ASTN2: variants seen among roughly 807,000 people sequenced by gnomAD.
The protein encoded by ASTN2 is astrotactin-2.
In ASTN2, 54 loss-of-function variants were observed where a neutral mutation model predicts 139.8. The ratio of observed to expected loss-of-function variants is 0.39; its 90% confidence interval spans 0.31 to 0.48. The LOEUF (loss-of-function observed/expected upper bound fraction) is 0.48. ASTN2 is among the 20% of genes least tolerant of loss of function. The pLI, the probability that ASTN2 is intolerant of heterozygous loss-of-function variation, is 0.95. For missense variants in ASTN2, 1,565 were observed against 1,725.1 expected, an observed-to-expected ratio of 0.91 and a Z score of 1.64; for synonymous variants, 756 against 719.5, an observed-to-expected ratio of 1.05 and a Z score of -0.81.
intron 2 of ASTN2, among the ~76,000 whole-genome samples, chr9:117,257,925 G>A (rs1388089486): frequency 2.0e-5 from 3 of 152,212 alleles, no homozygotes; most frequent in African/African-American, 7.2e-5. Context: ...GATACTGTTG[G>A]ACTACATCTG....
intron 13 of ASTN2, among the ~76,000 whole-genome samples, chr9:116,747,412 T>G (rs1829271914): frequency 1.3e-5 from 2 of 152,334 alleles, no homozygotes; most frequent in South Asian, 2.1e-4. Flanking sequence ...GCTGGTTGAA[T>G]GTCTTAGATG....
intron 3 of ASTN2, among the ~76,000 whole-genome samples, chr9:117,182,324 C>G (rs145520307): frequency 2.6e-5 from 1 of 39,184 alleles, no homozygotes; most frequent in South Asian, 9.7e-4. Flanking sequence ...GACACAGACA[C>G]AGACACACAC....
chr9:116,655,298 T>C (rs1247579242), intron 16 of ASTN2, among the ~76,000 whole-genome samples: 1 of 152,248 alleles, frequency 6.6e-6, no homozygotes, highest in African/African-American at 2.4e-5. Flanking sequence ...TGATTCAACC[T>C]TACCCTGTGG....
At chr9:116,446,278 G>GAGAT (rs1847993220) in intron 20 of ASTN2, among the ~76,000 whole-genome samples, 1 of 126,542 alleles carries the variant, frequency 7.9e-6, no homozygotes, top group African/African-American at 3.5e-5. Flanking sequence ...GAGATAGAGA[G>GAGAT]AGAGAGAGAG....
intron 3 of ASTN2, among the ~76,000 whole-genome samples, chr9:117,163,581 T>C (rs1830601686): frequency 6.6e-6 from 1 of 152,112 alleles, no homozygotes; most frequent in Non-Finnish European, 1.5e-5. Context: ...CCAGGGCTTT[T>C]AAATAAATCA....
intron 13 of ASTN2, among the ~76,000 whole-genome samples, chr9:116,737,823 A>G (rs1828979809): frequency 6.6e-6 from 1 of 152,192 alleles, no homozygotes; most frequent in Non-Finnish European, 1.5e-5. Context: ...ACTAAGCTAT[A>G]AGGATACAAA....
At chr9:116,649,703 C>T (rs189387650) in intron 17 of ASTN2, among the ~76,000 whole-genome samples, 1 of 151,980 alleles carries the variant, frequency 6.6e-6, no homozygotes, top group Non-Finnish European at 1.5e-5. Flanking sequence ...AATATATATC[C>T]TGTGCTTTAT....
intron 1 of ASTN2, among the ~76,000 whole-genome samples, chr9:117,307,090 C>G (rs1349351342): frequency 6.6e-6 from 1 of 152,158 alleles, no homozygotes; most frequent in East Asian, 1.9e-4. Context: ...TTTATACAAC[C>G]TAAAAACCCC....
chr9:117,353,320 A>G (rs1051923405), intron 1 of ASTN2, among the ~76,000 whole-genome samples: 8 of 152,154 alleles, frequency 5.3e-5, no homozygotes, highest in African/African-American at 1.9e-4. Flanking sequence ...GTGCTGTCCA[A>G]TAGAACTTTC....
chr9:116,958,043 A>C (rs1319701813), intron 10 of ASTN2, among the ~76,000 whole-genome samples: 1 of 152,210 alleles, frequency 6.6e-6, no homozygotes, highest in African/African-American at 2.4e-5. Flanking sequence ...TTCTCAGTGC[A>C]TATCAGGAAG....
chr9:116,858,098 A>G (rs575243044), intron 11 of ASTN2, among the ~76,000 whole-genome samples: 1 of 152,276 alleles, frequency 6.6e-6, no homozygotes, highest in East Asian at 1.9e-4. Context: ...TGCCAGTCCT[A>G]GCCCCAGACA....
intron 13 of ASTN2, among the ~76,000 whole-genome samples, chr9:116,753,482 A>G (rs1205221560): frequency 6.6e-6 from 1 of 152,230 alleles, no homozygotes; most frequent in Non-Finnish European, 1.5e-5. Context: ...AGAACTATAC[A>G]ACACCAAAAG....
At chr9:116,551,733 T>C (rs1256771909) in intron 19 of ASTN2, among the ~76,000 whole-genome samples, 3 of 152,096 alleles carry the variant, frequency 2.0e-5, no homozygotes, top group Admixed American at 1.3e-4. Context: ...AGTACCTCCA[T>C]CCTCACTGCC....
At chr9:117,305,070 T>G (rs1164613414) in intron 1 of ASTN2, among the ~76,000 whole-genome samples, 1 of 152,202 alleles carries the variant, frequency 6.6e-6, no homozygotes, top group East Asian at 1.9e-4. Flanking sequence ...CACCTTTTAA[T>G]TCAGTGCAAG....
chr9:116,542,070 C>CAA (rs1164683134), intron 19 of ASTN2, among the ~76,000 whole-genome samples: 23 of 152,292 alleles, frequency 1.5e-4, no homozygotes, highest in Admixed American at 6.5e-4. Flanking sequence ...TTTCCTCTTG[C>CAA]TCCTGCTCCA....
intron 5 of ASTN2, among the ~76,000 whole-genome samples, chr9:117,092,416 A>G (rs1166547229): frequency 6.6e-6 from 1 of 152,184 alleles, no homozygotes; most frequent in East Asian, 1.9e-4. Flanking sequence ...GGACTTGGCC[A>G]AGGTCACACA....
At chr9:117,310,175 G>A (rs754870816) in intron 1 of ASTN2, among the ~76,000 whole-genome samples, 5 of 152,018 alleles carry the variant, frequency 3.3e-5, no homozygotes, top group East Asian at 1.9e-4. Flanking sequence ...TTGAGAGGGC[G>A]GCATCACTTT....
intron 3 of ASTN2, among the ~76,000 whole-genome samples, chr9:117,206,104 A>T (rs1344293893): frequency 1.3e-5 from 2 of 152,174 alleles, no homozygotes; most frequent in Admixed American, 6.5e-5. Flanking sequence ...TCCAACAAGA[A>T]AGGACCAAAG....
At chr9:116,478,916 C>T (rs934055947) in intron 20 of ASTN2, among the ~76,000 whole-genome samples, 28 of 146,878 alleles carry the variant, frequency 1.9e-4, no homozygotes, top group Non-Finnish European at 3.4e-4. Flanking sequence ...CGCTTGAACC[C>T]GGGAGGCAGA....
Sources: gnomAD v4.1 joint callset for allele counts (sites outside exome capture counted in the v4.1 genomes callset) on GRCh38, gnomAD v4.1.1 for gene constraint, MANE v1.5 for transcripts, NCBI Gene and HGNC (gene_info 2026-07-23, HGNC 2026-07-21) for gene names.